The following THOC2 variants were observed in gnomAD, a reference collection of about 807,000 sequenced individuals.
The protein encoded by THOC2 is THO complex 2.
In THOC2, 10 loss-of-function variants were observed where a neutral mutation model predicts 128.4. That is an observed-to-expected ratio of 0.08 (90% CI 0.05 to 0.13). The LOEUF (loss-of-function observed/expected upper bound fraction) is 0.13. Among genes scored for constraint, THOC2 ranks in the 10% least tolerant of loss-of-function variants. THOC2 has a pLI of 1.00. For synonymous variants in THOC2, 393 were observed against 396.9 expected (o/e 0.99, Z 0.12); for missense variants, 535 against 1,155.7 (o/e 0.46, Z 7.79).
At chrX:123,676,413 T>C (rs1387764942) in intron 8 of THOC2, among the ~76,000 whole-genome samples, 1 of 111,955 alleles carries the variant, frequency 8.9e-6, no homozygotes, top group Non-Finnish European at 1.9e-5. Context: ...ACCACTGATC[T>C]GGGTGTGGGG....
chrX:123,721,353 A>G (rs1345889369), intron 1 of THOC2, among the ~76,000 whole-genome samples: 1 of 108,781 alleles, frequency 9.2e-6, no homozygotes, highest in Non-Finnish European at 1.9e-5. Flanking sequence ...TTGTATTTTA[A>G]GTAGAGATGG....
intron 19 of THOC2, 92 bp downstream of exon 19, chrX:123,635,987 T>C (rs753697111): frequency 3.9e-5 from 25 of 642,843 alleles, no homozygotes; most frequent in Middle Eastern, 3.1e-4. Flanking sequence ...AACCAACAAA[T>C]AAGTAGTCTT....
chrX:123,685,819 T>C (rs997703487), intron 8 of THOC2, among the ~76,000 whole-genome samples: 1 of 111,316 alleles, frequency 9.0e-6, no homozygotes, highest in East Asian at 2.8e-4. Flanking sequence ...GCTATTTTAG[T>C]GGCTTAAGGG....
Position 123,626,573 on chromosome X carries a change from T to C in THOC2, c.2847A>G (p.Val949=), listed in dbSNP as rs770295820. The C allele has an allele frequency of 1.8e-5, 22 of 1,203,562 alleles. No homozygotes were observed. The highest frequency in any genetic ancestry group is 2.4e-5 in the Non-Finnish European group (21 of 892,723). Residue 949 remains valine, a synonymous_variant, in exon 24 of 39, where the codon GTA becomes GTG. Transcript: ENST00000245838. ...GTTTCAATCTCTGTAGAACTCTCTG[T>C]ACATGTTCCATCTGTTTCTTTTCTT... is the stretch of plus-strand genomic sequence containing the variant. The part of the protein sequence containing the change: ...LEEEKKQMEH[V]QRVLQRLKLE...
At chrX:123,639,123 A>G in intron 16 of THOC2, 96 bp from the exon 17 acceptor site, 1 of 368,919 alleles carries the variant, frequency 2.7e-6, no homozygotes, top group Middle Eastern at 4.7e-4. Flanking sequence ...TTTTCAAAAG[A>G]AATAATGCTT....
At chrX:123,613,262 C>T in intron 36 of THOC2, 137 bp downstream of exon 36, 2 of 598,731 alleles carry the variant, frequency 3.3e-6, no homozygotes, top group Non-Finnish European at 5.2e-6. Context: ...GAATGCCCTC[C>T]CTCAATACCT....
intron 34 of THOC2, among the ~76,000 whole-genome samples, 160 bp from the exon 35 acceptor site, chrX:123,613,868 G>C (rs1252123283): frequency 9.0e-6 from 1 of 111,165 alleles, no homozygotes; most frequent in East Asian, 2.8e-4. Flanking sequence ...AGAGCTGACA[G>C]AGATTACTAG....
chrX:123,732,888 T>C (rs1203834523), intron 1 of THOC2, 64 bp downstream of exon 1: 12 of 1,097,126 alleles, frequency 1.1e-5, no homozygotes, highest in Non-Finnish European at 1.5e-5. Flanking sequence ...CCACTACAGG[T>C]GAGAGTGCAG....
intron 12 of THOC2, among the ~76,000 whole-genome samples, chrX:123,661,543 A>G (rs745823927): frequency 1.8e-5 from 2 of 111,370 alleles, no homozygotes; most frequent in East Asian, 5.6e-4. Context: ...AGGTACAAAT[A>G]TGCAGTTAGA....
rs1433390473 is a variant in THOC2 at position 123,697,752 on chromosome X, CTA to C, written c.275-3_275-2del. 1.0e-5 allele frequency: 10 copies of C among 976,872 alleles called. No individual in the cohort carries two copies. The highest frequency in any genetic ancestry group is 1.4e-5 in the Non-Finnish European group (10 of 712,720). The allele number at this position is 976,872 out of a possible 1,213,427, so 80.5% of individuals were successfully genotyped here. A position where few individuals can be genotyped will look rare whatever the true frequency, so the allele number is the denominator to read the frequency against. On this transcript the variant is annotated splice_acceptor_variant and splice_polypyrimidine_tract_variant and intron_variant, in intron 4 of 38. Coordinates refer to ENST00000245838, the MANE Select transcript of THOC2 (RefSeq NM_001081550.2). LOFTEE classifies it high-confidence loss of function. ...TCTTCTAAACAATTTGTCTCAATGT[CTA>C]TAATGATGAAGAAGAAAAAAGTTTG...
intron 20 of THOC2, 24 bp downstream of exon 20, chrX:123,633,929 A>G: frequency 1.0e-6 from 1 of 980,076 alleles, no homozygotes; most frequent in Non-Finnish European, 1.4e-6. Context: ...TTAAAAGTTG[A>G]TGAACAAAAA....
chrX:123,629,502 G>A (rs781665688), intron 22 of THOC2, among the ~76,000 whole-genome samples: 8 of 111,465 alleles, frequency 7.2e-5, no homozygotes, highest in Non-Finnish European at 1.5e-4. Flanking sequence ...AGGCAAAAGA[G>A]TCTCAGCTCC....
intron 38 of THOC2, among the ~76,000 whole-genome samples, chrX:123,608,009 G>A (rs2046543346): frequency 9.0e-6 from 1 of 110,846 alleles, no homozygotes; most frequent in South Asian, 3.9e-4. Flanking sequence ...AGCACATTGG[G>A]AGACCAAGTC....
chrX:123,725,565 A>G (rs773369154), intron 1 of THOC2, among the ~76,000 whole-genome samples: 43 of 98,190 alleles, frequency 4.4e-4, no homozygotes, highest in African/African-American at 1.4e-3. Flanking sequence ...TGATCGTAGT[A>G]CCACTGCACT....
At chrX:123,633,259 T>C (rs1225468772) in intron 20 of THOC2, among the ~76,000 whole-genome samples, 1 of 112,117 alleles carries the variant, frequency 8.9e-6, no homozygotes, top group East Asian at 2.8e-4. Context: ...ATATTTTCCA[T>C]TTTCCACCTT....
chrX:123,605,555 AAGCAAGCTC>A (rs2147510003), intron 38 of THOC2, among the ~76,000 whole-genome samples: 1 of 111,746 alleles, frequency 8.9e-6, no homozygotes, highest in African/African-American at 3.2e-5. Context: ...TGCAGCAAAT[AAGCAAGCTC>A]TTTTAATCAG....
chrX:123,645,245 G>T, intron 13 of THOC2, 89 bp downstream of exon 13: 1 of 634,632 alleles, frequency 1.6e-6, no homozygotes, highest in Non-Finnish European at 2.4e-6. Context: ...TACTCATACA[G>T]ATGATTAAAG....
chrX:123,707,967 A>T, intron 2 of THOC2, among the ~76,000 whole-genome samples: 1 of 103,362 alleles, frequency 9.7e-6, no homozygotes, highest in African/African-American at 3.5e-5. Flanking sequence ...ATCTCTACTA[A>T]AAAAAAAAAA....
At chrX:123,632,139 G>A (rs777541423) in intron 21 of THOC2, among the ~76,000 whole-genome samples, 8 of 110,794 alleles carry the variant, frequency 7.2e-5, no homozygotes, top group Non-Finnish European at 1.1e-4. Flanking sequence ...ATAACCATAG[G>A]CAAACAGAAG....
Sources: allele counts gnomAD v4.1 joint callset (sites outside exome capture counted in the v4.1 genomes callset), GRCh38; gene constraint gnomAD v4.1.1; transcripts MANE v1.5; gene names NCBI Gene and HGNC (gene_info 2026-07-23, HGNC 2026-07-21).